The following TAFA1 variants were observed in gnomAD, a reference collection of about 807,000 sequenced individuals.
TAFA1 encodes the protein TAFA chemokine like family member 1.
TAFA1 carries 4 observed loss-of-function variants against 18.5 expected under a neutral mutation model. The ratio of observed to expected loss-of-function variants is 0.22; its 90% CI spans 0.11 to 0.49. The LOEUF (loss-of-function observed/expected upper bound fraction) is 0.49, where lower values mean the gene tolerates loss of function less well. Ranked by LOEUF, TAFA1 falls within the 20% of genes least tolerant of loss-of-function variation. The pLI, the probability that TAFA1 is intolerant of heterozygous loss-of-function variation, is 0.98. For synonymous variants in TAFA1, 56 were observed against 55.2 expected, an observed-to-expected ratio of 1.01 and a Z score of -0.06; for missense variants, 147 against 169.0, an observed-to-expected ratio of 0.87 and a Z score of 0.72.
At chr3:68,110,507 T>A (rs2065251127) in intron 2 of TAFA1, among the ~76,000 whole-genome samples, 1 of 152,164 alleles carries the variant, frequency 6.6e-6, no homozygotes, top group Admixed American at 6.5e-5. Context: ...AGTATAGGAT[T>A]GCTGGGTCAA....
At chr3:68,178,826 A>C (rs529072493) in intron 2 of TAFA1, among the ~76,000 whole-genome samples, 1 of 152,334 alleles carries the variant, frequency 6.6e-6, no homozygotes, top group Admixed American at 6.5e-5. Flanking sequence ...TCCCTAGAAG[A>C]GATGATGTAC....
Position 68,252,328 on chromosome 3 carries a change from A to G in TAFA1, c.119-164952A>G, listed in dbSNP as rs531037705. On this transcript the variant is annotated intron_variant, in intron 2 of 4. Transcript: ENST00000478136. ...TGATCCAATACTAGCCTACATGTTC[A>G]ATTTCATTTCTCCTCATTCTCTCAT... 2.0e-5 allele frequency among the ~76,000 whole-genome samples: 3 copies of G among 152,216 alleles called. No homozygotes were observed. In the East Asian group the frequency reaches 5.8e-4, roughly 29 times the overall value.
intron 3 of TAFA1, among the ~76,000 whole-genome samples, chr3:68,481,176 A>G (rs114952874): frequency 2.6e-5 from 4 of 152,330 alleles, no homozygotes; most frequent in Non-Finnish European, 5.9e-5. Context: ...TTGACTTTCA[A>G]TATCTCTTTT....
intron 2 of TAFA1, among the ~76,000 whole-genome samples, chr3:68,406,390 A>C (rs959585595): frequency 1.3e-5 from 2 of 152,188 alleles, no homozygotes; most frequent in African/African-American, 4.8e-5. Flanking sequence ...TAAGTCAAGA[A>C]TATTGCACCC....
intron 2 of TAFA1, among the ~76,000 whole-genome samples, chr3:68,305,076 A>G (rs1486434301): frequency 6.6e-6 from 1 of 152,060 alleles, no homozygotes; most frequent in East Asian, 1.9e-4. Context: ...AAGTTCTAGA[A>G]GCTGGAAGTC....
chr3:68,282,797 A>G (rs2067921991), intron 2 of TAFA1, among the ~76,000 whole-genome samples: 1 of 152,200 alleles, frequency 6.6e-6, no homozygotes, highest in South Asian at 2.1e-4. Flanking sequence ...TTTTATTTCA[A>G]TGAGATGATC....
At chr3:68,494,009 T>C (rs2072499891) in intron 3 of TAFA1, among the ~76,000 whole-genome samples, 1 of 152,224 alleles carries the variant, frequency 6.6e-6, no homozygotes. Context: ...GTCTTAATCT[T>C]TCTAAGTTTG....
At chr3:68,113,920 T>TTTTTTTTA (rs2065295416) in intron 2 of TAFA1, among the ~76,000 whole-genome samples, 1 of 117,350 alleles carries the variant, frequency 8.5e-6, no homozygotes, top group African/African-American at 3.2e-5. Flanking sequence ...TTTTTTTTTT[T>TTTTTTTTA]ATGAGACAGA....
At chr3:68,156,413 T>C (rs914597770) in intron 2 of TAFA1, among the ~76,000 whole-genome samples, 11 of 152,176 alleles carry the variant, frequency 7.2e-5, no homozygotes, top group Admixed American at 4.6e-4. Context: ...GTTTGTCTGC[T>C]TGGTTGTTTT....
chr3:68,063,496 G>C (rs541661520), intron 2 of TAFA1, among the ~76,000 whole-genome samples: 1 of 152,098 alleles, frequency 6.6e-6, no homozygotes, highest in Non-Finnish European at 1.5e-5. Context: ...TTTTTAAAAG[G>C]TTACATTTCA....
At chr3:68,391,832 G>T (rs1029957447) in intron 2 of TAFA1, among the ~76,000 whole-genome samples, 1 of 152,118 alleles carries the variant, frequency 6.6e-6, no homozygotes, top group South Asian at 2.1e-4. Context: ...TCACCACCAG[G>T]CCTGCCATAC....
intron 2 of TAFA1, among the ~76,000 whole-genome samples, chr3:68,080,943 G>T (rs1409722330): frequency 6.6e-6 from 1 of 151,990 alleles, no homozygotes; most frequent in Non-Finnish European, 1.5e-5. Context: ...ATCACTTTCA[G>T]GTACACCAAT....
At chr3:68,175,770 G>A (rs1181982911) in intron 2 of TAFA1, among the ~76,000 whole-genome samples, 4 of 152,148 alleles carry the variant, frequency 2.6e-5, no homozygotes, top group Non-Finnish European at 5.9e-5. Flanking sequence ...TTGGGGGATG[G>A]TTGGGAAGGC....
At chr3:68,345,911 T>C (rs59725242) in intron 2 of TAFA1, among the ~76,000 whole-genome samples, 4,015 of 152,212 alleles carry the variant, frequency 0.026, 181 homozygotes, top group African/African-American at 0.092. Flanking sequence ...ATAGAAAAGA[T>C]TGGCCGGAGA....
intron 2 of TAFA1, among the ~76,000 whole-genome samples, chr3:68,186,798 G>T (rs1459133667): frequency 1.3e-5 from 2 of 152,020 alleles, no homozygotes; most frequent in African/African-American, 4.8e-5. Flanking sequence ...GCATTGAATT[G>T]CTCCAGGCTG....
intron 2 of TAFA1, chr3:68,145,122 G>A (rs772163243): frequency 2.2e-5 from 21 of 966,776 alleles, no homozygotes; most frequent in South Asian, 9.0e-5. Context: ...TATGGTCAGC[G>A]TCTAGCTTTA....
At chr3:68,445,386 G>T (rs1201348683) in intron 3 of TAFA1, among the ~76,000 whole-genome samples, 7 of 152,104 alleles carry the variant, frequency 4.6e-5, no homozygotes. Context: ...AGCACTGAAG[G>T]ATTATCTACT....
chr3:68,083,888 C>T (rs1350753583), intron 2 of TAFA1, among the ~76,000 whole-genome samples: 3 of 152,138 alleles, frequency 2.0e-5, no homozygotes, highest in African/African-American at 7.2e-5. Flanking sequence ...GTGTCCCTCC[C>T]GACCTGTATA....
intron 2 of TAFA1, among the ~76,000 whole-genome samples, chr3:68,116,041 G>A (rs1389410815): frequency 6.6e-6 from 1 of 152,126 alleles, no homozygotes; most frequent in African/African-American, 2.4e-5. Flanking sequence ...CGGATCACGA[G>A]GTCAGGAGAG....
Sources: gnomAD v4.1 joint callset for allele counts (sites outside exome capture counted in the v4.1 genomes callset) on GRCh38, gnomAD v4.1.1 for gene constraint, MANE v1.5 for transcripts, NCBI Gene and HGNC (gene_info 2026-07-23, HGNC 2026-07-21) for gene names.